DGLUCY: variants seen among roughly 807,000 people sequenced by gnomAD.
DGLUCY encodes D-glutamate cyclase, mitochondrial.
In DGLUCY, 58 loss-of-function variants were observed where a neutral mutation model predicts 58.5. The ratio of observed to expected loss-of-function variants is 0.99; its 90% CI spans 0.80 to 1.23. The LOEUF (loss-of-function observed/expected upper bound fraction) is 1.23, where lower values mean the gene tolerates loss of function less well. Ranked by LOEUF, DGLUCY falls within the 50% of genes most tolerant of loss-of-function variation. The pLI is 0.00. For missense variants in DGLUCY, 779 were observed against 784.7 expected, an observed-to-expected ratio of 0.99 and a Z score of 0.09; for synonymous variants, 325 against 314.1, an observed-to-expected ratio of 1.03 and a Z score of -0.37.
chr14:91,088,461 C>T (rs925711295), intron 1 of DGLUCY, among the ~76,000 whole-genome samples: 5 of 152,152 alleles, frequency 3.3e-5, no homozygotes, highest in Admixed American at 1.3e-4. Flanking sequence ...AGAGCTTCTA[C>T]CTATTAGAGA....
chr14:91,085,167 A>G (rs2044191489), intron 1 of DGLUCY, among the ~76,000 whole-genome samples: 1 of 150,188 alleles, frequency 6.7e-6, no homozygotes, highest in South Asian at 2.1e-4. Context: ...GGCTTCAGTG[A>G]GCCATGTTCA....
At chr14:91,120,096 A>G (rs903317252) in intron 1 of DGLUCY, among the ~76,000 whole-genome samples, 7 of 152,114 alleles carry the variant, frequency 4.6e-5, no homozygotes, top group African/African-American at 9.7e-5. Flanking sequence ...GTGTGAGTCA[A>G]TACTCCTTAA....
chr14:91,061,688 G>A (rs1464585464), intron 1 of DGLUCY, among the ~76,000 whole-genome samples: 1 of 152,216 alleles, frequency 6.6e-6, no homozygotes, highest in East Asian at 1.9e-4. Flanking sequence ...GCCTACAGCA[G>A]AGAAGGCAAG....
chr14:91,117,959 G>A (rs1035613934), intron 1 of DGLUCY, among the ~76,000 whole-genome samples: 9 of 151,996 alleles, frequency 5.9e-5, no homozygotes, highest in African/African-American at 2.2e-4. Flanking sequence ...TTAGCAGGAA[G>A]AAATGCTTGG....
At chr14:91,067,377 T>C (rs1184896501) in intron 1 of DGLUCY, among the ~76,000 whole-genome samples, 1 of 152,192 alleles carries the variant, frequency 6.6e-6, no homozygotes, top group East Asian at 1.9e-4. Context: ...TCTTACCATT[T>C]AGGCAATGTG....
At chr14:91,223,664 T>G in intron 13 of DGLUCY, 1 of 1,287,596 alleles carries the variant, frequency 7.8e-7, no homozygotes, top group Non-Finnish European at 1.0e-6. Flanking sequence ...CACTTTTTTT[T>G]TTTTTAACCA....
rs1207157314 is a variant in DGLUCY at position 91,195,670 on chromosome 14, G to GTTT, written c.1196-689_1196-687dup. On this transcript the variant is annotated intron_variant, in intron 9 of 13. Transcript: ENST00000256324. Reference sequence around the variant, plus strand: ...CGATAATGATGGTTTTTTGGGTTTTGTTTTTTTTTTTTTTTTTTGAGATGC... The same window carrying GTTT: ...CGATAATGATGGTTTTTTGGGTTTTGTTTTTTTTTTTTTTTTTTTTTGAGATGC... Among the ~76,000 whole-genome samples, 175 of 120,648 alleles carry GTTT rather than the reference G, an allele frequency of 1.5e-3. 1 individual carries two copies. Among genetic ancestry groups the GTTT allele is most frequent in the Non-Finnish European group, 2.3e-3 (135 of 58,444 alleles). 79.1% of individuals were successfully genotyped at this position (120,648 alleles called of 152,430 possible). A position where few individuals can be genotyped will look rare whatever the true frequency, so the allele number is the denominator to read the frequency against.
chr14:91,130,327 A>T (rs2045960957), intron 1 of DGLUCY, among the ~76,000 whole-genome samples: 1 of 147,926 alleles, frequency 6.8e-6, no homozygotes, highest in African/African-American at 2.5e-5. Context: ...TTTTAGACAG[A>T]GTCTTGCTCT....
intron 4 of DGLUCY, among the ~76,000 whole-genome samples, chr14:91,169,713 A>G (rs769131995): frequency 3.3e-5 from 5 of 149,514 alleles, no homozygotes; most frequent in Non-Finnish European, 5.9e-5. Context: ...CCTGGCCACC[A>G]TTTACTTTTC....
chr14:91,093,273 C>A lies in DGLUCY; in HGVS notation c.-82+32569C>A, dbSNP rs146513879. The stretch of plus-strand genomic sequence containing the variant: ...GCTTTACATGTTGTGTATTATTTAA[C>A]CCTTACAGGATGTGATGAAGTATCA... On this transcript the variant is annotated intron_variant, in intron 1 of 4. Coordinates refer to the DGLUCY transcript ENST00000521334. 3.5e-3 allele frequency among the ~76,000 whole-genome samples: 536 copies of A among 152,116 alleles called. 1 individual carries two copies. The highest frequency in any genetic ancestry group is 6.2e-3 in the Admixed American group (94 of 15,260).
chr14:91,099,553 C>T (rs911576813), intron 1 of DGLUCY, among the ~76,000 whole-genome samples: 8 of 150,200 alleles, frequency 5.3e-5, no homozygotes, highest in Admixed American at 1.3e-4. Flanking sequence ...AAATGCCCTT[C>T]GCTGATAAGC....
Position 91,180,453 on chromosome 14 carries a change from T to A in DGLUCY, c.731-733T>A, listed in dbSNP as rs186299444. Among the ~76,000 whole-genome samples the A allele has an allele frequency of 2.3e-3, 344 of 150,700 alleles. 2 individuals carry two copies. Among genetic ancestry groups the A allele is most frequent in the Non-Finnish European group, 3.8e-3 (257 of 67,802 alleles). ...CAGGCGTGGTGGCGGGTGCCTGTAA[T>A]CCCAGCTACTCAGGAGGCTGAGGCG... On this transcript the variant is annotated intron_variant, in intron 7 of 13. Coordinates refer to ENST00000256324, the MANE Select transcript of DGLUCY (RefSeq NM_001102368.3).
intron 1 of DGLUCY, among the ~76,000 whole-genome samples, chr14:91,119,632 G>A (rs1256680679): frequency 1.3e-5 from 2 of 152,054 alleles, no homozygotes; most frequent in African/African-American, 4.8e-5. Context: ...CTCTCCCTCG[G>A]TGTGATGGCT....
chr14:91,213,604 GTAT>G (rs2140716292), intron 12 of DGLUCY, among the ~76,000 whole-genome samples: 1 of 152,222 alleles, frequency 6.6e-6, no homozygotes, highest in Admixed American at 6.5e-5. Context: ...GTAGAATACA[GTAT>G]TATTTTTATC....
At chr14:91,178,987 G>A (rs547657842) in intron 7 of DGLUCY, among the ~76,000 whole-genome samples, 1 of 152,222 alleles carries the variant, frequency 6.6e-6, no homozygotes, top group South Asian at 2.1e-4. Context: ...TCTCACCACT[G>A]CACTCCAGCC....
At chr14:91,155,187 G>A (rs1297803183) in intron 1 of DGLUCY, among the ~76,000 whole-genome samples, 1 of 152,212 alleles carries the variant, frequency 6.6e-6, no homozygotes, top group Non-Finnish European at 1.5e-5. Flanking sequence ...TGGTAATTAT[G>A]CGTTTAATGT....
intron 1 of DGLUCY, among the ~76,000 whole-genome samples, chr14:91,069,745 T>C (rs1422757838): frequency 6.6e-6 from 1 of 151,718 alleles, no homozygotes; most frequent in Non-Finnish European, 1.5e-5. Flanking sequence ...ACAGCTATTG[T>C]GTAGTTCCAT....
At chr14:91,089,380 C>G (rs887879494) in intron 1 of DGLUCY, among the ~76,000 whole-genome samples, 2 of 152,218 alleles carry the variant, frequency 1.3e-5, no homozygotes, top group Non-Finnish European at 2.9e-5. Flanking sequence ...TCAGGGGAGT[C>G]TCTGGTTCTC....
chr14:91,104,376 T>C (rs1352234198), upstream of DGLUCY, among the ~76,000 whole-genome samples: 1 of 152,148 alleles, frequency 6.6e-6, no homozygotes, highest in Non-Finnish European at 1.5e-5. Context: ...ACATTCTTTA[T>C]TGTTGCAACT....
Sources: gnomAD v4.1 joint callset for allele counts (sites outside exome capture counted in the v4.1 genomes callset) on GRCh38, gnomAD v4.1.1 for gene constraint, MANE v1.5 for transcripts, NCBI Gene and HGNC (gene_info 2026-07-23, HGNC 2026-07-21) for gene names.